The following GREB1L variants were observed in gnomAD, a reference collection of about 807,000 sequenced individuals.
GREB1L encodes the protein GREB1-like protein.
Under a neutral mutation model 200.8 loss-of-function variants are expected in GREB1L, and 17 were observed. The observed-to-expected ratio is 0.08, with a 90% CI of 0.06 to 0.13. The LOEUF (loss-of-function observed/expected upper bound fraction) is 0.13, where lower values mean the gene tolerates loss of function less well. Among genes scored for constraint, GREB1L ranks in the 10% least tolerant of loss-of-function variants. The pLI, the probability that GREB1L is intolerant of heterozygous loss-of-function variation, is 1.00. For synonymous variants in GREB1L, 789 were observed against 893.0 expected, an observed-to-expected ratio of 0.88 and a Z score of 2.08; for missense variants, 1,657 against 2,367.7, an observed-to-expected ratio of 0.70 and a Z score of 6.23.
chr18:21,422,485 T>C (rs2032237921), intron 7 of GREB1L, among the ~76,000 whole-genome samples: 1 of 152,236 alleles, frequency 6.6e-6, no homozygotes, highest in Non-Finnish European at 1.5e-5. Flanking sequence ...ATTTTCTTTA[T>C]ATCTATTCAA....
chr18:21,284,483 A>G (rs2038321810), intron 1 of GREB1L, among the ~76,000 whole-genome samples: 1 of 152,226 alleles, frequency 6.6e-6, no homozygotes. Context: ...TTCAGAGTTC[A>G]TCCATGTACT....
At chr18:21,326,317 G>A (rs575115027) in intron 1 of GREB1L, among the ~76,000 whole-genome samples, 104 of 152,204 alleles carry the variant, frequency 6.8e-4, no homozygotes, top group African/African-American at 2.1e-3. Context: ...ATTAGGTTTG[G>A]CAATAAGTAA....
chr18:21,361,286 T>C (rs1033012175), intron 1 of GREB1L, among the ~76,000 whole-genome samples: 1 of 152,190 alleles, frequency 6.6e-6, no homozygotes, highest in African/African-American at 2.4e-5. Context: ...GAATCTGAAA[T>C]TTAAGCTGGT....
At chr18:21,434,539 A>ATGTGTATATATATG (rs1168485564) in intron 7 of GREB1L, among the ~76,000 whole-genome samples, 18 of 132,352 alleles carry the variant, frequency 1.4e-4, no homozygotes, top group South Asian at 4.7e-4. Context: ...GTGTATATAT[A>ATGTGTATATATATG]TGTGTATATA....
intron 1 of GREB1L, among the ~76,000 whole-genome samples, chr18:21,255,991 G>A (rs2037793518): frequency 1.3e-5 from 2 of 152,120 alleles, no homozygotes; most frequent in African/African-American, 4.8e-5. Context: ...GGATGATAGA[G>A]TATTTCTGTA....
chr18:21,493,749 GC>G (rs1000723565), intron 19 of GREB1L, among the ~76,000 whole-genome samples: 14 of 150,322 alleles, frequency 9.3e-5, no homozygotes, highest in Admixed American at 6.0e-4. Flanking sequence ...GCCTGTAATC[GC>G]AGCTACTCAG....
At chr18:21,284,924 GGTTAATA>G (rs1166506528) in intron 1 of GREB1L, among the ~76,000 whole-genome samples, 1 of 151,896 alleles carries the variant, frequency 6.6e-6, no homozygotes, top group African/African-American at 2.4e-5. Context: ...TTTCTCTAAT[GGTTAATA>G]ATATTGAGCA....
chr18:21,358,524 C>T (rs139108403), intron 1 of GREB1L, among the ~76,000 whole-genome samples: 5,385 of 152,278 alleles, frequency 0.035, 153 homozygotes, highest in Non-Finnish European at 0.053. Flanking sequence ...ACTGTGTTAG[C>T]CAGTATGGTC....
intron 7 of GREB1L, among the ~76,000 whole-genome samples, chr18:21,418,426 T>A (rs2031848598): frequency 6.6e-6 from 1 of 152,240 alleles, no homozygotes. Context: ...ACAATGTAAA[T>A]GTTATATAAA....
At chr18:21,321,825 A>AT (rs1434316155) in intron 1 of GREB1L, among the ~76,000 whole-genome samples, 3 of 152,238 alleles carry the variant, frequency 2.0e-5, no homozygotes, top group African/African-American at 4.8e-5. Flanking sequence ...AGGGCACTTT[A>AT]TAAATTTAAC....
chr18:21,276,008 G>T (rs1267641947), intron 1 of GREB1L, among the ~76,000 whole-genome samples: 1 of 152,146 alleles, frequency 6.6e-6, no homozygotes, highest in Non-Finnish European at 1.5e-5. Context: ...TCTTTGGGAT[G>T]GTTTTTGGTG....
intron 1 of GREB1L, among the ~76,000 whole-genome samples, chr18:21,259,185 AT>A (rs1356567555): frequency 6.6e-6 from 1 of 152,214 alleles, no homozygotes; most frequent in African/African-American, 2.4e-5. Flanking sequence ...ACCTGTACTG[AT>A]TTTTAAAAAG....
chr18:21,450,869 A>G (rs1295934601), intron 12 of GREB1L, 154 bp from the exon 13 acceptor site: 7 of 611,338 alleles, frequency 1.1e-5, no homozygotes, highest in African/African-American at 1.8e-5. Context: ...CAAATGCTAT[A>G]TAATTGTCCA....
At chr18:21,438,687 G>A (rs945407111) in intron 7 of GREB1L, among the ~76,000 whole-genome samples, 1 of 151,282 alleles carries the variant, frequency 6.6e-6, no homozygotes, top group African/African-American at 2.4e-5. Context: ...GGCCTGGCAC[G>A]GTGGCTCATG....
chr18:21,408,698 G>A (rs1567986065), intron 7 of GREB1L, among the ~76,000 whole-genome samples: 2 of 151,442 alleles, frequency 1.3e-5, no homozygotes, highest in Non-Finnish European at 2.9e-5. Context: ...GGAGGCTGAG[G>A]CAGGAGAATC....
At chr18:21,436,463 G>A (rs543853698) in intron 7 of GREB1L, among the ~76,000 whole-genome samples, 1 of 151,972 alleles carries the variant, frequency 6.6e-6, no homozygotes, top group East Asian at 1.9e-4. Context: ...GTGAGACCTT[G>A]TCTCTACAAA....
chr18:21,429,177 C>T (rs1462924597), intron 7 of GREB1L, among the ~76,000 whole-genome samples: 2 of 72,692 alleles, frequency 2.8e-5, no homozygotes, highest in Non-Finnish European at 5.4e-5. Flanking sequence ...CCCCTCCCTT[C>T]CTTCCCCTCC....
At position 21,389,800 on chromosome 18, in the gene GREB1L, A is replaced by G. The variant is rs78261076; in HGVS notation, c.355+5397A>G. On this transcript the variant is annotated intron_variant, in intron 4 of 32. Transcript: ENST00000424526. ...GCCAAAACTTGAATTTTAAGGACTC[A>G]TTAACAAGTATGAAATAGGTGAATG... Among the ~76,000 whole-genome samples the G allele has an allele frequency of 4.0e-3, 608 of 152,308 alleles. 8 individuals carry two copies. Among genetic ancestry groups the G allele is most frequent in the East Asian group, 0.034 (174 of 5,182 alleles).
chr18:21,317,319 G>A (rs1446643425), intron 1 of GREB1L: 2 of 151,980 alleles, frequency 1.3e-5, no homozygotes, highest in Admixed American at 1.3e-4. Flanking sequence ...TGTGATTGTA[G>A]GCCTGGCGCA....
Sources: allele counts gnomAD v4.1 joint callset (sites outside exome capture counted in the v4.1 genomes callset), GRCh38; gene constraint gnomAD v4.1.1; transcripts MANE v1.5; gene names NCBI Gene and HGNC (gene_info 2026-07-23, HGNC 2026-07-21).